RBL2: variants seen among roughly 807,000 people sequenced by gnomAD.
The protein encoded by RBL2 is RB transcriptional corepressor like 2.
Under a neutral mutation model 126.0 loss-of-function variants are expected in RBL2, and 56 were observed. The observed-to-expected ratio is 0.44, with a 90% CI of 0.36 to 0.56. The LOEUF (loss-of-function observed/expected upper bound fraction) is 0.56, where lower values mean the gene tolerates loss of function less well. RBL2 is among the 20% of genes least tolerant of loss of function. RBL2 has a pLI of 0.00. For synonymous variants in RBL2, 454 were observed against 478.5 expected, an observed-to-expected ratio of 0.95 and a Z score of 0.67; for missense variants, 1,229 against 1,398.2, an observed-to-expected ratio of 0.88 and a Z score of 1.93.
chr16:53,434,828 C>T (rs953753387), intron 1 of RBL2, 32 bp downstream of exon 1: 1 of 1,471,992 alleles, frequency 6.8e-7, no homozygotes, highest in Non-Finnish European at 9.0e-7. Context: ...CGCTTCCGGC[C>T]TAGTTGGCGT....
Position 53,479,987 on chromosome 16 carries a change from T to C in RBL2, c.2877T>C (p.Asp959=), listed in dbSNP as rs148613895. 28 of 1,587,544 alleles carry C rather than the reference T, an allele frequency of 1.8e-5. No individual in the cohort carries two copies. In the African/African-American group the frequency reaches 3.3e-4, roughly 18 times the overall value. ...ATTCTCCAACAGAACTAAACAAAGA[T>C]AGAAGTAAGTGGGATCTTTGTGAAC... The part of the protein sequence containing the change: ...HQNSPTELNK[D]RTSRDSSPVM... Residue 959 remains aspartate (D), a synonymous_variant, in exon 19 of 22, where the codon GAT becomes GAC. Coordinates refer to ENST00000262133, the MANE Select transcript of RBL2 (RefSeq NM_005611.4).
At chr16:53,479,472 TAAG>T (rs983557909) in intron 18 of RBL2, 20 of 534,282 alleles carry the variant, frequency 3.7e-5, no homozygotes, top group African/African-American at 3.7e-4. Flanking sequence ...AGATAGGAAT[TAAG>T]AAGTTACTTG....
chr16:53,470,147 C>G lies in RBL2; in HGVS notation c.2207C>G (p.Thr736Arg). 2 of 1,612,918 alleles carry G rather than the reference C, an allele frequency of 1.2e-6. No homozygotes were observed. Among genetic ancestry groups the G allele is most frequent in the Non-Finnish European group, 1.7e-6 (2 of 1,179,018 alleles). Residue 736 changes from threonine to arginine, a missense_variant, in exon 15 of 22, where the codon ACA becomes AGA. Physicochemically the swap from Thr to Arg is moderately conservative, Grantham distance 71. Transcript: ENST00000262133. ...TLVTMATATV[T>R]ANNGQTVTIP... ...GTCACCATGGCAACCGCCACTGTCA[C>G]AGCCAACAATGGGCAAACGGTAACC...
intron 3 of RBL2, 58 bp from the exon 4 acceptor site, chr16:53,446,984 G>A (rs2058068170): frequency 1.9e-6 from 2 of 1,031,470 alleles, no homozygotes; most frequent in Non-Finnish European, 2.8e-6. Flanking sequence ...TAATCATTTG[G>A]GATTTTTTTT....
chr16:53,436,960 C>T (rs574355898), intron 1 of RBL2, among the ~76,000 whole-genome samples: 101 of 152,296 alleles, frequency 6.6e-4, no homozygotes, highest in South Asian at 1.2e-3. Context: ...AAGAGCTTCG[C>T]GCTCCATTTT....
At chr16:53,474,790 G>C (rs1567743490) in intron 17 of RBL2, among the ~76,000 whole-genome samples, 1 of 152,156 alleles carries the variant, frequency 6.6e-6, no homozygotes, top group African/African-American at 2.4e-5. Flanking sequence ...TTGTGGCTTT[G>C]TCTGGTTTTA....
chr16:53,472,854 T>G (rs1240033455), intron 17 of RBL2, among the ~76,000 whole-genome samples: 1 of 152,220 alleles, frequency 6.6e-6, no homozygotes, highest in East Asian at 1.9e-4. Flanking sequence ...AGGTCTTTGA[T>G]CAATTTTGAG....
At chr16:53,465,630 G>GA (rs1598112843) in intron 13 of RBL2, 28 bp downstream of exon 13, 3 of 1,489,946 alleles carry the variant, frequency 2.0e-6, no homozygotes, top group South Asian at 2.7e-5. Flanking sequence ...CTTTTTATGA[G>GA]AAAAATACAT....
At chr16:53,447,987 A>G (rs1161014736) in intron 4 of RBL2, among the ~76,000 whole-genome samples, 1 of 152,134 alleles carries the variant, frequency 6.6e-6, no homozygotes, top group Admixed American at 6.6e-5. Context: ...TAAAGTAGAT[A>G]GGAAAGTGCA....
In RBL2 at chr16:53,490,514, G is replaced by T; in HGVS notation, c.*214G>T. 7.6e-6 allele frequency: 3 copies of T among 393,100 alleles called. No individual in the cohort carries two copies. The highest frequency in any genetic ancestry group is 1.3e-5 in the Non-Finnish European group (3 of 224,288). 24.4% of individuals were successfully genotyped at this position (393,100 alleles called of 1,614,324 possible). ...ACTGTCTTTTTTTCCCTACCATTCA[G>T]TGATTACTGTCAAGGCTGCTTAGAA... On this transcript the variant is annotated 3_prime_UTR_variant, in exon 22 of 22. Coordinates refer to ENST00000262133, the MANE Select transcript of RBL2 (RefSeq NM_005611.4).
Position 53,434,802 on chromosome 16 carries a change from C to G in RBL2, c.240+6C>G, listed in dbSNP as rs1449215277. 1 of 1,487,830 alleles carries G rather than the reference C, an allele frequency of 6.7e-7. No individual in the cohort carries two copies. Among genetic ancestry groups the G allele is most frequent in the East Asian group, 2.7e-5 (1 of 37,722 alleles). 92.2% of individuals were successfully genotyped at this position (1,487,830 alleles called of 1,614,324 possible). ...GCGAAAGCTACACGCTGGAGGTGCG[C>G]TCGCGGGCGGAGGGGCGCTTCCGGC... is the stretch of plus-strand genomic sequence containing the variant. On this transcript the variant is annotated splice_donor_region_variant and intron_variant, in intron 1 of 21. Coordinates refer to ENST00000262133, the MANE Select transcript of RBL2 (RefSeq NM_005611.4).
chr16:53,445,725 A>G (rs1214497039), intron 3 of RBL2: 1 of 152,240 alleles, frequency 6.6e-6, no homozygotes, highest in Admixed American at 6.5e-5. Flanking sequence ...ACTGTTAGGT[A>G]TTATGTAGGA....
chr16:53,439,298 C>A (rs1335625525), intron 2 of RBL2, 152 bp downstream of exon 2: 1 of 596,936 alleles, frequency 1.7e-6, no homozygotes, highest in Non-Finnish European at 2.5e-6. Flanking sequence ...TAATGATTTT[C>A]CTTTCTTTAT....
chr16:53,485,140 A>G (rs1181348057), intron 21 of RBL2, among the ~76,000 whole-genome samples: 5 of 152,196 alleles, frequency 3.3e-5, no homozygotes, highest in Non-Finnish European at 7.3e-5. Context: ...AATCAAGTGC[A>G]GAGAGAACAT....
In RBL2 at chr16:53,465,504, A is replaced by G. The variant is rs2058263943; in HGVS notation, c.1765A>G (p.Ile589Val). ...CREVVKHLNQIEEQILDHLAW... is the reference protein window; with the variant it reads ...CREVVKHLNQVEEQILDHLAW... ...AGAGGTGGTAAAACACCTTAATCAGATTGAAGAACAGATCTTAGATCATTT... is the reference window on the plus strand; with the variant it reads ...AGAGGTGGTAAAACACCTTAATCAGGTTGAAGAACAGATCTTAGATCATTT... Residue 589 changes from isoleucine (I) to valine (V), a missense_variant, in exon 13 of 22, where the codon ATT becomes GTT. By Grantham distance (29) the Ile-to-Val change is conservative. Around this residue, in one of 2 missense-constraint regions of RBL2, gnomAD observed 1,070 missense variants for 1,274.3 expected, o/e 0.84. Transcript: ENST00000262133. 1.9e-6 allele frequency: 3 copies of G among 1,605,790 alleles called. No individual in the cohort carries two copies. In the East Asian group the frequency reaches 6.8e-5, roughly 36 times the overall value.
chr16:53,484,740 T>C (rs1961092201), intron 21 of RBL2, among the ~76,000 whole-genome samples: 1 of 152,036 alleles, frequency 6.6e-6, no homozygotes, highest in African/African-American at 2.4e-5. Flanking sequence ...AATTCAAAAA[T>C]AGAATGTAGT....
chr16:53,480,919 G>C (rs755532707), intron 20 of RBL2, 150 bp downstream of exon 20: 3 of 676,608 alleles, frequency 4.4e-6, no homozygotes, highest in Non-Finnish European at 7.2e-6. Flanking sequence ...AGCACTTTGG[G>C]AGGCCGAGGA....
At position 53,453,494 on chromosome 16, in the gene RBL2, C is replaced by A; in HGVS notation, c.809C>A (p.Ser270Tyr). The part of the protein sequence containing the change: ...DFHAKDSKPS[S>Y]DPPCIIEKLC... The stretch of plus-strand genomic sequence containing the variant: ...CATGCTAAAGATTCTAAACCTTCCT[C>A]TGACCCCCCTTGTATCATTGAGAAA... The change falls in exon 6 of 22, where the codon TCT becomes TAT. Residue 270 changes from serine to tyrosine, a missense_variant. Ser to Tyr is a moderately radical substitution (Grantham distance 144). Coordinates refer to ENST00000262133, the MANE Select transcript of RBL2 (RefSeq NM_005611.4). 5 of 1,613,404 alleles carry A rather than the reference C, an allele frequency of 3.1e-6. No individual in the cohort carries two copies. The highest frequency in any genetic ancestry group is 4.2e-6 in the Non-Finnish European group (5 of 1,179,502).
At chr16:53,470,257 T>G in intron 15 of RBL2, 72 bp downstream of exon 15, 1 of 1,560,632 alleles carries the variant, frequency 6.4e-7, no homozygotes, top group East Asian at 2.3e-5. Flanking sequence ...GAGGTTTGGC[T>G]AGAGTGACAT....
Sources: allele counts gnomAD v4.1 joint callset (sites outside exome capture counted in the v4.1 genomes callset), GRCh38; gene constraint gnomAD v4.1.1; regional missense constraint gnomAD v4.1.1; transcripts MANE v1.5; gene names NCBI Gene and HGNC (gene_info 2026-07-23, HGNC 2026-07-21).